The following TAMM41 variants were observed in gnomAD, a reference collection of about 807,000 sequenced individuals.
TAMM41 encodes the protein TAM41 mitochondrial translocator assembly and maintenance homolog.
Under a neutral mutation model 44.1 loss-of-function variants are expected in TAMM41, and 36 were observed. The observed-to-expected ratio is 0.82, with a 90% CI of 0.63 to 1.08. The LOEUF (loss-of-function observed/expected upper bound fraction) is 1.08. Ranked by LOEUF, TAMM41 falls within the 50% of genes least tolerant of loss-of-function variation. The pLI is 0.00. For synonymous variants in TAMM41, 164 were observed against 153.1 expected, an observed-to-expected ratio of 1.07 and a Z score of -0.53; for missense variants, 417 against 404.3, an observed-to-expected ratio of 1.03 and a Z score of -0.27.
At chr3:11,773,815 T>C in the TAMM41 span, among the ~76,000 whole-genome samples, 3 of 151,974 alleles carry the variant, frequency 2.0e-5, no homozygotes, top group African/African-American at 7.2e-5. Flanking sequence ...GGGGGCCGGG[T>C]GCGGTGGCTC....
At chr3:11,737,965 C>T in the TAMM41 span, among the ~76,000 whole-genome samples, 9,839 of 152,254 alleles carry the variant, frequency 0.065, 360 homozygotes, top group Middle Eastern at 0.11. Flanking sequence ...TCACACCACA[C>T]GTTACTCACA....
the TAMM41 span, among the ~76,000 whole-genome samples, chr3:11,747,424 C>T: frequency 0.4 from 60,786 of 151,976 alleles, 12,449 homozygotes; most frequent in African/African-American, 0.44. Flanking sequence ...GTTACATAGG[C>T]ATATGTGATT....
chr3:11,730,123 C>A, the TAMM41 span, among the ~76,000 whole-genome samples: 1 of 152,100 alleles, frequency 6.6e-6, no homozygotes, highest in East Asian at 1.9e-4. Flanking sequence ...GTGGCTCAAG[C>A]CTATAATCCC....
chr3:11,813,190 T>G (rs765243800), intron 5 of TAMM41, among the ~76,000 whole-genome samples: 1 of 152,190 alleles, frequency 6.6e-6, no homozygotes, highest in Admixed American at 6.5e-5. Flanking sequence ...AGAAGATCTC[T>G]GGAGAAATTC....
chr3:11,767,194 G>T, the TAMM41 span, among the ~76,000 whole-genome samples: 1 of 151,686 alleles, frequency 6.6e-6, no homozygotes, highest in Admixed American at 6.6e-5. Context: ...TCAGCCTCCC[G>T]AGTAGCTGGC....
the TAMM41 span, among the ~76,000 whole-genome samples, chr3:11,763,471 GA>G: frequency 6.6e-6 from 1 of 152,268 alleles, no homozygotes; most frequent in East Asian, 1.9e-4. Flanking sequence ...AAAAAGATGG[GA>G]AAATTGATAA....
chr3:11,774,708 T>C, the TAMM41 span, among the ~76,000 whole-genome samples: 9 of 152,098 alleles, frequency 5.9e-5, no homozygotes, highest in Admixed American at 1.3e-4. Flanking sequence ...ATTCAGTGTC[T>C]AGTGAGGGCT....
At chr3:11,805,707 G>C (rs1243411239) in intron 7 of TAMM41, among the ~76,000 whole-genome samples, 2 of 152,208 alleles carry the variant, frequency 1.3e-5, no homozygotes. Context: ...CTCAAACCCA[G>C]GGATTAGAAT....
intron 5 of TAMM41, among the ~76,000 whole-genome samples, chr3:11,812,671 C>T (rs774006716): frequency 2.6e-5 from 4 of 152,126 alleles, no homozygotes; most frequent in Non-Finnish European, 4.4e-5. Flanking sequence ...AATCCCATGC[C>T]GTAAGTCCAG....
At chr3:11,755,402 G>C in the TAMM41 span, among the ~76,000 whole-genome samples, 1 of 152,298 alleles carries the variant, frequency 6.6e-6, no homozygotes. Context: ...GATTGAGGAA[G>C]GCCTGTTGCA....
chr3:11,786,856 A>G (rs2077420879), downstream of TAMM41, among the ~76,000 whole-genome samples: 1 of 151,614 alleles, frequency 6.6e-6, no homozygotes, highest in Non-Finnish European at 1.5e-5. Flanking sequence ...AGCCTCCCAA[A>G]GTGCTGGGAT....
intron 5 of TAMM41, chr3:11,811,497 T>C (rs945540097): frequency 6.6e-6 from 1 of 152,356 alleles, no homozygotes; most frequent in Admixed American, 6.5e-5. Context: ...ACTGGAATTT[T>C]CACTTGAAAG....
the TAMM41 span, among the ~76,000 whole-genome samples, chr3:11,775,952 G>A: frequency 1.3e-5 from 2 of 151,848 alleles, no homozygotes; most frequent in African/African-American, 4.8e-5. Flanking sequence ...CCAGCTGTTT[G>A]CAAATGTTTT....
the TAMM41 span, among the ~76,000 whole-genome samples, chr3:11,770,747 A>C: frequency 6.6e-6 from 1 of 152,188 alleles, no homozygotes; most frequent in Non-Finnish European, 1.5e-5. Flanking sequence ...CAGAAGTACG[A>C]GCGACAGCCT....
chr3:11,835,334 C>A (rs1240903948), intron 3 of TAMM41, among the ~76,000 whole-genome samples: 1 of 151,920 alleles, frequency 6.6e-6, no homozygotes, highest in Admixed American at 6.6e-5. Context: ...AGTTAATTTG[C>A]CCATTTATCA....
At chr3:11,774,870 A>ATTTTTT in the TAMM41 span, among the ~76,000 whole-genome samples, 8 of 139,284 alleles carry the variant, frequency 5.7e-5, no homozygotes, top group Middle Eastern at 3.8e-3. Flanking sequence ...CATTGAAAGC[A>ATTTTTT]TTTTTTTTTT....
the TAMM41 span, among the ~76,000 whole-genome samples, chr3:11,759,311 G>A: frequency 6.6e-6 from 1 of 152,004 alleles, no homozygotes; most frequent in Non-Finnish European, 1.5e-5. Context: ...ATTCTTTCAG[G>A]AAACACCTAG....
In TAMM41 at chr3:11,824,605, T is replaced by C. The variant is rs995391188; in HGVS notation, c.562+5109A>G. ...CACCATGCCTGGCCTTCCTTTTGTA[T>C]ACATTAGAAAATACAAAAGTAGGAA... On this transcript the variant is annotated intron_variant, in intron 4 of 7. Transcript: ENST00000455809. 3.3e-5 allele frequency among the ~76,000 whole-genome samples: 5 copies of C among 152,130 alleles called. No individual in the cohort carries two copies. The South Asian group carries it at 6.2e-4, about 19-fold the overall frequency.
the TAMM41 span, among the ~76,000 whole-genome samples, chr3:11,764,556 G>C: frequency 1.5e-5 from 2 of 133,960 alleles, no homozygotes; most frequent in African/African-American, 5.8e-5. Flanking sequence ...TCAGTGGCGC[G>C]ATCTCGGCTC....
Sources: allele counts gnomAD v4.1 joint callset (sites outside exome capture counted in the v4.1 genomes callset), GRCh38; gene constraint gnomAD v4.1.1; transcripts MANE v1.5; gene names NCBI Gene and HGNC (gene_info 2026-07-23, HGNC 2026-07-21).